Variants in SINHCAF observed in about 807,000 individuals in gnomAD.
The protein encoded by SINHCAF is SIN3-HDAC complex associated factor, also known as SIN3-HDAC complex-associated factor.
SINHCAF carries 3 observed loss-of-function variants against 25.8 expected under a neutral mutation model. The ratio of observed to expected loss-of-function variants is 0.12; its 90% CI spans 0.05 to 0.30. The LOEUF is 0.30. SINHCAF is among the 10% of genes least tolerant of loss of function. The probability of loss-of-function intolerance (pLI) is 1.00; values close to 1 mark genes in which losing one functional copy is unlikely to be tolerated. For missense variants in SINHCAF, 121 were observed against 262.3 expected (o/e 0.46, Z 3.72); for synonymous variants, 70 against 85.5 (o/e 0.82, Z 1.00).
At position 31,324,113 on chromosome 12, in the gene SINHCAF, AG is replaced by A. The variant is rs1437152340; in HGVS notation, c.-21+1910del. 1.1e-5 allele frequency: 5 copies of A among 452,528 alleles called. No individual in the cohort carries two copies. The highest frequency in any genetic ancestry group is 2.0e-5 in the African/African-American group (1 of 49,850). The allele number at this position is 452,528 out of a possible 1,614,324, so 28.0% of individuals were successfully genotyped here. ...CCGGGGCGAGGGCGAGGGCAGCGGGAGGTGAACCGCGTCGCTCGCCGCCACC... is the reference window on the plus strand; with the variant it reads ...CCGGGGCGAGGGCGAGGGCAGCGGGAGTGAACCGCGTCGCTCGCCGCCACC... On this transcript the variant is annotated intron_variant, in intron 1 of 5. Coordinates refer to ENST00000337682, the MANE Select transcript of SINHCAF (RefSeq NM_001135812.2). The surrounding 1 kb of genome is among the most constrained non-coding windows in gnomAD (Gnocchi z 5.5).
At chr12:31,308,114 T>C (rs1418451741) in intron 1 of SINHCAF, among the ~76,000 whole-genome samples, 1 of 152,224 alleles carries the variant, frequency 6.6e-6, no homozygotes, top group Non-Finnish European at 1.5e-5. Flanking sequence ...CTAATTTTTG[T>C]ATTTTTAGTA....
chr12:31,299,380 G>A (rs535162181), intron 1 of SINHCAF, among the ~76,000 whole-genome samples: 51 of 151,698 alleles, frequency 3.4e-4, no homozygotes, highest in Middle Eastern at 3.2e-3. Context: ...GCGGTGGCGC[G>A]ATCTAGGCTC....
In SINHCAF at chr12:31,325,364, C is replaced by G. The variant is rs1323216332; in HGVS notation, c.-21+660G>C. ...TCTCATTGTCGCATCCGCATCCCTC[C>G]GGAGTTGAGCAAACAACGCCACGCC... On this transcript the variant is annotated intron_variant, in intron 1 of 5. Coordinates refer to ENST00000337682, the MANE Select transcript of SINHCAF (RefSeq NM_001135812.2). This position sits in a 1 kb window ranked among gnomAD's most constrained non-coding sequence, Gnocchi z 5.9. 2.6e-6 allele frequency: 1 copy of G among 391,660 alleles called. No individual in the cohort carries two copies. 24.3% of individuals were successfully genotyped at this position (391,660 alleles called of 1,614,324 possible).
intron 4 of SINHCAF, among the ~76,000 whole-genome samples, chr12:31,289,151 G>A (rs1354919312): frequency 6.6e-6 from 1 of 152,190 alleles, no homozygotes; most frequent in Non-Finnish European, 1.5e-5. Context: ...GAACAGAGCA[G>A]GAGAAACCTG....
chr12:31,325,371 G>A lies in SINHCAF; in HGVS notation c.-21+653C>T, dbSNP rs1939928447. ...GTCGCATCCGCATCCCTCCGGAGTT[G>A]AGCAAACAACGCCACGCCGCGTGCG... On this transcript the variant is annotated intron_variant, in intron 1 of 5. Transcript: ENST00000337682. This position sits in a 1 kb window ranked among gnomAD's most constrained non-coding sequence, Gnocchi z 5.9. 1 of 386,516 alleles carries A rather than the reference G, an allele frequency of 2.6e-6. No homozygotes were observed. The highest frequency in any genetic ancestry group is 1.9e-5 in the South Asian group (1 of 53,552). 23.9% of individuals were successfully genotyped at this position (386,516 alleles called of 1,614,324 possible).
intron 3 of SINHCAF, 22 bp downstream of exon 3, chr12:31,295,212 G>GA: frequency 2.0e-6 from 3 of 1,489,736 alleles, no homozygotes; most frequent in Non-Finnish European, 1.9e-6. Flanking sequence ...GTATAATTGA[G>GA]AAAAAAGAAA....
chr12:31,288,022 G>A (rs925037203), intron 4 of SINHCAF, among the ~76,000 whole-genome samples: 1 of 151,912 alleles, frequency 6.6e-6, no homozygotes, highest in African/African-American at 2.4e-5. Flanking sequence ...AAAATCCCTG[G>A]ATATTATATA....
intron 1 of SINHCAF, among the ~76,000 whole-genome samples, chr12:31,308,319 A>G (rs1592979928): frequency 6.6e-6 from 1 of 152,250 alleles, no homozygotes; most frequent in Non-Finnish European, 1.5e-5. Context: ...GTCATTCTTT[A>G]AACAGGTACA....
At chr12:31,289,848 CG>C (rs1938233149) in intron 4 of SINHCAF, among the ~76,000 whole-genome samples, 1 of 150,764 alleles carries the variant, frequency 6.6e-6, no homozygotes, top group African/African-American at 2.4e-5. Context: ...TCCTTGAGAC[CG>C]GATCTCACTC....
At chr12:31,308,240 T>G (rs553178371) in intron 1 of SINHCAF, among the ~76,000 whole-genome samples, 2 of 152,266 alleles carry the variant, frequency 1.3e-5, no homozygotes, top group Non-Finnish European at 2.9e-5. Context: ...GCGCCTGGCC[T>G]ACTAATCTTT....
chr12:31,319,045 G>A (rs1939603969), intron 1 of SINHCAF, among the ~76,000 whole-genome samples: 1 of 152,212 alleles, frequency 6.6e-6, no homozygotes, highest in Non-Finnish European at 1.5e-5. Flanking sequence ...TGTGGGAAAA[G>A]AGGAACTTAG....
intron 2 of SINHCAF, among the ~76,000 whole-genome samples, chr12:31,297,458 T>C (rs1417383839): frequency 6.7e-6 from 1 of 148,750 alleles, no homozygotes; most frequent in Non-Finnish European, 1.5e-5. Context: ...CTGCACCCGG[T>C]CAAGCGTAAT....
At chr12:31,314,719 C>A (rs1055215830) in intron 1 of SINHCAF, among the ~76,000 whole-genome samples, 1 of 152,138 alleles carries the variant, frequency 6.6e-6, no homozygotes, top group Non-Finnish European at 1.5e-5. Flanking sequence ...TTTCAAGATA[C>A]CACTGGAAGT....
chr12:31,294,213 T>G (rs570843165), intron 3 of SINHCAF, among the ~76,000 whole-genome samples: 1 of 152,376 alleles, frequency 6.6e-6, no homozygotes, highest in African/African-American at 2.4e-5. Flanking sequence ...ATGACCCAGC[T>G]AGGTTAAGAA....
chr12:31,318,574 T>C (rs1483089030), intron 1 of SINHCAF, among the ~76,000 whole-genome samples: 1 of 151,400 alleles, frequency 6.6e-6, no homozygotes, highest in Non-Finnish European at 1.5e-5. Flanking sequence ...TGGCATAGGT[T>C]AAAAATAAAA....
chr12:31,320,167 C>T (rs1234784840), intron 1 of SINHCAF, among the ~76,000 whole-genome samples: 2 of 152,226 alleles, frequency 1.3e-5, no homozygotes, highest in African/African-American at 4.8e-5. Flanking sequence ...GGTACCAACA[C>T]TGGCTTCATG....
chr12:31,322,535 C>T (rs974389350), intron 1 of SINHCAF, among the ~76,000 whole-genome samples: 2 of 152,008 alleles, frequency 1.3e-5, no homozygotes, highest in South Asian at 4.1e-4. Context: ...TCAACCAAAA[C>T]TTGGGAAAAA....
intron 4 of SINHCAF, among the ~76,000 whole-genome samples, chr12:31,290,863 G>A (rs1938282700): frequency 6.6e-6 from 1 of 152,118 alleles, no homozygotes; most frequent in Non-Finnish European, 1.5e-5. Context: ...GGGATTACAG[G>A]CATGCACCAC....
intron 1 of SINHCAF, among the ~76,000 whole-genome samples, chr12:31,310,015 C>T (rs549343275): frequency 6.6e-6 from 1 of 152,090 alleles, no homozygotes; most frequent in South Asian, 2.1e-4. Context: ...TTCCCCAATC[C>T]CATGATTTCA....
Sources: allele counts gnomAD v4.1 joint callset (sites outside exome capture counted in the v4.1 genomes callset), GRCh38; gene constraint gnomAD v4.1.1; non-coding constraint Gnocchi (gnomAD v3.1); transcripts MANE v1.5; gene names NCBI Gene and HGNC (gene_info 2026-07-23, HGNC 2026-07-21).